The following LTN1 variants were observed in gnomAD, a reference collection of about 807,000 sequenced individuals.
LTN1 encodes the protein E3 ubiquitin-protein ligase listerin.
LTN1 carries 88 observed loss-of-function variants against 201.2 expected under a neutral mutation model. The observed-to-expected ratio is 0.44, with a 90% CI of 0.37 to 0.52. LTN1 has a LOEUF of 0.52. LTN1 is among the 20% of genes least tolerant of loss of function. LTN1 has a pLI of 0.00. For missense variants in LTN1, 1,752 were observed against 2,038.7 expected, an observed-to-expected ratio of 0.86 and a Z score of 2.71; for synonymous variants, 645 against 713.5, an observed-to-expected ratio of 0.90 and a Z score of 1.53.
Position 28,952,198 on chromosome 21 carries a change from T to C in LTN1, c.3306A>G (p.Ser1102=), listed in dbSNP as rs2084388051. Residue 1102 remains serine, a synonymous_variant, in exon 18 of 30, where the codon TCA becomes TCG. Transcript: ENST00000361371. The stretch of plus-strand genomic sequence containing the variant: ...TATAATGTGGTTTTACTTCATCAGA[T>C]GAAATGCTTCGGGAAAGGATCAACT... ...IAKLILSRSI[S]SDEVKPHYKR... is the part of the protein sequence containing the mutation. 1 of 1,609,992 alleles carries C rather than the reference T, an allele frequency of 6.2e-7. No individual in the cohort carries two copies. The highest frequency in any genetic ancestry group is 1.7e-4 in the Middle Eastern group (1 of 6,008).
At chr21:28,982,576 T>G (rs2084667586) in intron 4 of LTN1, among the ~76,000 whole-genome samples, 2 of 152,250 alleles carry the variant, frequency 1.3e-5, no homozygotes, top group Admixed American at 1.3e-4. Context: ...CTTTAGATAC[T>G]TCTTCCCCAC....
At chr21:28,971,158 T>G in intron 7 of LTN1, 113 bp downstream of exon 7, 2 of 876,126 alleles carry the variant, frequency 2.3e-6, no homozygotes. Context: ...CTTTAAGATT[T>G]ATGCCAAGTT....
At chr21:28,970,966 T>C (rs1223084766) in intron 7 of LTN1, among the ~76,000 whole-genome samples, 3 of 152,226 alleles carry the variant, frequency 2.0e-5, no homozygotes, top group Admixed American at 6.5e-5. Context: ...TAGAAATAAT[T>C]ATTTAACTTC....
At chr21:28,968,592 A>G (rs2084545428) in intron 9 of LTN1, among the ~76,000 whole-genome samples, 1 of 152,164 alleles carries the variant, frequency 6.6e-6, no homozygotes, top group Non-Finnish European at 1.5e-5. Context: ...AGCAACTTCA[A>G]AATTCTGCTT....
Position 28,945,895 on chromosome 21 carries a change from A to C in LTN1, c.3680T>G (p.Phe1227Cys). ...GCAGTATTTCAGAAATAGGGAAAGA[A>C]ACCGGATTATTTCTATATTTACACC... The part of the protein sequence containing the change: ...VLGVNIEIIR[F>C]LSLFLKYCSS... Residue 1227 changes from phenylalanine (F) to cysteine (C), a missense_variant, in exon 21 of 30, where the codon TTT (phenylalanine) becomes TGT (cysteine). Phe to Cys is a radical substitution (Grantham distance 205, BLOSUM62 -2). Coordinates refer to ENST00000361371, the MANE Select transcript of LTN1 (RefSeq NM_015565.3). 1 of 1,613,710 alleles carries C rather than the reference A, an allele frequency of 6.2e-7. No individual in the cohort carries two copies. The highest frequency in any genetic ancestry group is 8.5e-7 in the Non-Finnish European group (1 of 1,179,684).
At chr21:28,974,797 G>C (rs1474341025) in intron 6 of LTN1, among the ~76,000 whole-genome samples, 3 of 152,134 alleles carry the variant, frequency 2.0e-5, no homozygotes, top group Non-Finnish European at 4.4e-5. Flanking sequence ...ACTATGCCCA[G>C]CTAATTTTTA....
At chr21:28,943,384 T>C (rs780516487) in intron 23 of LTN1, 48 bp from the exon 24 acceptor site, 2 of 1,165,816 alleles carry the variant, frequency 1.7e-6, no homozygotes, top group Non-Finnish European at 2.5e-6. Flanking sequence ...AAACTGTTTA[T>C]TAAGTCGTGC....
intron 3 of LTN1, among the ~76,000 whole-genome samples, chr21:28,985,131 C>T (rs1487051214): frequency 6.6e-6 from 1 of 152,032 alleles, no homozygotes; most frequent in African/African-American, 2.4e-5. Flanking sequence ...CCCCTTCTCC[C>T]AATGAGATAG....
chr21:28,970,889 A>T, intron 7 of LTN1, 147 bp from the exon 8 acceptor site: 1 of 525,594 alleles, frequency 1.9e-6, no homozygotes, highest in South Asian at 3.9e-5. Flanking sequence ...TAAAAACTAA[A>T]ACTGAAATTA....
chr21:28,984,791 G>A lies in LTN1; in HGVS notation c.477C>T (p.Tyr159=), dbSNP rs2084684156. ...GYWLMAQCDT[Y]TPAAFAAKDA... ...CTTTTGCTGCAAACGCAGCTGGTGT[G>A]TAAGTATCACACTGAGCCATTAGCC... is the stretch of plus-strand genomic sequence containing the variant. Residue 159 remains tyrosine (Y), a synonymous_variant, in exon 4 of 30, where the codon TAC becomes TAT. Coordinates refer to ENST00000361371, the MANE Select transcript of LTN1 (RefSeq NM_015565.3). 1.2e-6 allele frequency: 2 copies of A among 1,614,094 alleles called. No homozygotes were observed. Among genetic ancestry groups the A allele is most frequent in the Admixed American group, 1.7e-5 (1 of 60,024 alleles).
rs1434121120 is a variant in LTN1, at chr21:28,986,117, C to G, written c.345+22G>C. 1 of 1,350,584 alleles carries G rather than the reference C, an allele frequency of 7.4e-7. No homozygotes were observed. Among genetic ancestry groups the G allele is most frequent in the African/African-American group, 1.4e-5 (1 of 69,702 alleles). 83.7% of individuals were successfully genotyped at this position (1,350,584 alleles called of 1,614,324 possible). A position where few individuals can be genotyped will look rare whatever the true frequency, so the allele number is the denominator to read the frequency against. ...CCAAAAAATATACAACAGAAATAAA[C>G]TAGCAAAGTTTTAATACTTACAAGT... is the stretch of plus-strand genomic sequence containing the variant. On this transcript the variant is annotated intron_variant, in intron 3 of 29. Coordinates refer to ENST00000361371, the MANE Select transcript of LTN1 (RefSeq NM_015565.3). This position sits in a 1 kb window ranked among gnomAD's most constrained non-coding sequence, Gnocchi z 4.1.
chr21:28,991,806 T>G (rs569292915), intron 1 of LTN1, among the ~76,000 whole-genome samples: 13 of 152,300 alleles, frequency 8.5e-5, no homozygotes, highest in Admixed American at 2.0e-4. Context: ...TTGAAATCAC[T>G]AGAATTAACT....
rs1178379233 is a variant in LTN1, at chr21:28,959,654, T to C, written c.2397A>G (p.Arg799=). ...GDVYVERIIV[R]LHETLFKTKK... ...TTGTTTTGAATAAAGTTTCATGAAG[T>C]CTAACAATGATTCTTTCAACATATA... The change falls in exon 13 of 30, where the codon AGA becomes AGG. Residue 799 remains arginine, a synonymous_variant. Coordinates refer to ENST00000361371, the MANE Select transcript of LTN1 (RefSeq NM_015565.3). 1.2e-6 allele frequency: 2 copies of C among 1,613,298 alleles called. No homozygotes were observed. Among genetic ancestry groups the C allele is most frequent in the African/African-American group, 2.7e-5 (2 of 74,886 alleles).
At chr21:28,992,709 GAGCC>G in intron 1 of LTN1, 51 bp downstream of exon 1, 3 of 1,604,482 alleles carry the variant, frequency 1.9e-6, no homozygotes, top group Non-Finnish European at 2.6e-6. Flanking sequence ...GCGCTGGGCG[GAGCC>G]AGCCGCCTCG....
chr21:28,992,727 C>T (rs1042323009), intron 1 of LTN1, 37 bp downstream of exon 1: 3 of 1,612,280 alleles, frequency 1.9e-6, no homozygotes, highest in Non-Finnish European at 2.5e-6. Flanking sequence ...CGCCTCGAAG[C>T]GAGGCTCCCG....
chr21:28,988,855 C>T lies in LTN1; in HGVS notation c.43-1921G>A, dbSNP rs556678963. 5.3e-5 allele frequency among the ~76,000 whole-genome samples: 8 copies of T among 151,882 alleles called. No homozygotes were observed. In the South Asian group the frequency reaches 1.2e-3, roughly 24 times the overall value. On this transcript the variant is annotated intron_variant, in intron 1 of 29. Coordinates refer to ENST00000361371, the MANE Select transcript of LTN1 (RefSeq NM_015565.3). ...TGGCACATGCCTTTAATCCCAGCTA[C>T]TTGGGAGGCTGAGGCAGGAGAATTG... is the stretch of plus-strand genomic sequence containing the variant.
intron 18 of LTN1, among the ~76,000 whole-genome samples, chr21:28,950,130 C>T (rs1359040447): frequency 6.6e-6 from 1 of 152,114 alleles, no homozygotes; most frequent in East Asian, 1.9e-4. Context: ...TCAAAAACTG[C>T]TGAAATTTTG....
chr21:28,930,590 T>A, intron 29 of LTN1, 80 bp from the exon 30 acceptor site: 1 of 854,354 alleles, frequency 1.2e-6, no homozygotes, highest in Non-Finnish European at 1.9e-6. Context: ...CACATACATC[T>A]ATAGTAACCT....
chr21:28,979,450 T>C (rs1030552775), intron 6 of LTN1, among the ~76,000 whole-genome samples: 2 of 152,208 alleles, frequency 1.3e-5, no homozygotes, highest in Admixed American at 6.5e-5. Context: ...TTCTGAATAC[T>C]ACAAGGCAGT....
Sources: allele counts gnomAD v4.1 joint callset (sites outside exome capture counted in the v4.1 genomes callset), GRCh38; gene constraint gnomAD v4.1.1; non-coding constraint Gnocchi (gnomAD v3.1); transcripts MANE v1.5; gene names NCBI Gene and HGNC (gene_info 2026-07-23, HGNC 2026-07-21).